Variants in GON4L observed in about 807,000 individuals in gnomAD.
GON4L encodes GON-4-like protein.
GON4L carries 87 observed loss-of-function variants against 211.8 expected under a neutral mutation model. The observed-to-expected ratio is 0.41, with a 90% CI of 0.35 to 0.49. GON4L has a LOEUF of 0.49. Among genes scored for constraint, GON4L ranks in the 20% least tolerant of loss-of-function variants. GON4L has a pLI of 0.15. For missense variants in GON4L, 2,155 were observed against 2,659.5 expected (o/e 0.81, Z 4.17); for synonymous variants, 875 against 962.6 (o/e 0.91, Z 1.68).
chr1:155,783,312 C>A (rs960300859), intron 14 of GON4L, among the ~76,000 whole-genome samples: 2 of 152,258 alleles, frequency 1.3e-5, no homozygotes, highest in South Asian at 2.1e-4. Flanking sequence ...AGGTTCAAAC[C>A]CAGGACGAAT....
At chr1:155,834,301 T>C (rs1670092021) in intron 2 of GON4L, among the ~76,000 whole-genome samples, 1 of 152,192 alleles carries the variant, frequency 6.6e-6, no homozygotes, top group Non-Finnish European at 1.5e-5. Flanking sequence ...AAAGCTCTCC[T>C]TCCTCTTTTC....
At chr1:155,806,279 A>C (rs1667123499) in intron 10 of GON4L, among the ~76,000 whole-genome samples, 1 of 151,734 alleles carries the variant, frequency 6.6e-6, no homozygotes, top group Admixed American at 6.6e-5. Context: ...CAGCCTCCCA[A>C]ATAGTTGGGA....
chr1:155,774,105 A>G (rs1284105155), intron 17 of GON4L, among the ~76,000 whole-genome samples: 1 of 152,156 alleles, frequency 6.6e-6, no homozygotes, highest in Non-Finnish European at 1.5e-5. Context: ...TCAGAAGCAA[A>G]TATTTGGCTT....
intron 11 of GON4L, among the ~76,000 whole-genome samples, chr1:155,802,749 A>C (rs937832990): frequency 1.2e-4 from 19 of 152,230 alleles, no homozygotes; most frequent in Admixed American, 7.2e-4. Context: ...TGAGCGCAGG[A>C]GTTCGAGACC....
At chr1:155,820,255 AC>A (rs1224453672) in intron 6 of GON4L, among the ~76,000 whole-genome samples, 2 of 152,182 alleles carry the variant, frequency 1.3e-5, no homozygotes, top group Non-Finnish European at 2.9e-5. Context: ...GGGATCCCAC[AC>A]CAAAGTGATT....
chr1:155,765,317 G>A lies in GON4L; in HGVS notation c.4156C>T (p.Pro1386Ser). The A allele has an allele frequency of 6.2e-7, 1 of 1,614,154 alleles. No homozygotes were observed. The highest frequency in any genetic ancestry group is 8.5e-7 in the Non-Finnish European group (1 of 1,180,020). ...TGAGAAGATGAAGGGGTTTTAGTTG[G>A]CTGACTCCTCTCCTCTTCCTTCTGT... is the stretch of plus-strand genomic sequence containing the variant. ...VLQKEEERSQ[P>S]TKTPSSSQEP... The change falls in exon 21 of 32, where the codon CCA becomes TCA. Residue 1386 changes from proline (P) to serine (S), a missense_variant. Physicochemically the swap from Pro to Ser is moderately conservative, Grantham distance 74. Transcript: ENST00000368331.
chr1:155,766,612 C>T lies in GON4L; in HGVS notation c.2861G>A (p.Arg954Gln), dbSNP rs1476453021. The T allele has an allele frequency of 1.3e-5, 21 of 1,614,034 alleles. No individual in the cohort carries two copies. The highest frequency in any genetic ancestry group is 1.0e-4 in the Admixed American group (6 of 59,994). ...MTGTTEINSD[R>Q]SLEKDNLELG... is the part of the protein sequence containing the mutation. ...CTCCAAATTGTCTTTTTCTAGGCTT[C>T]GATCTGAGTTGATCTCAGTGGTTCC... Residue 954 changes from arginine to glutamine, a missense_variant, in exon 21 of 32, where the codon CGA becomes CAA. Transcript: ENST00000368331.
chr1:155,852,614 G>T (rs1031127417), intron 2 of GON4L, among the ~76,000 whole-genome samples: 5 of 152,012 alleles, frequency 3.3e-5, no homozygotes, highest in Admixed American at 3.3e-4. Context: ...ATGGTGGTGG[G>T]TGCCTGTAGT....
rs1220007426 is a variant in GON4L at position 155,749,947 on chromosome 1, G to A, written c.*637C>T. 5.4e-5 allele frequency: 77 copies of A among 1,414,028 alleles called. No individual in the cohort carries two copies. The highest frequency in any genetic ancestry group is 6.8e-5 in the Non-Finnish European group (72 of 1,057,394). 87.6% of individuals were successfully genotyped at this position (1,414,028 alleles called of 1,614,324 possible). ...GCAGTGGAGAGCATCCCAGTGTTTGGGGCACTGTGTTCCTCTTCGTCCCTG... is the reference window on the plus strand; with the variant it reads ...GCAGTGGAGAGCATCCCAGTGTTTGAGGCACTGTGTTCCTCTTCGTCCCTG... On this transcript the variant is annotated 3_prime_UTR_variant, in exon 32 of 32. Coordinates refer to ENST00000368331, the MANE Select transcript of GON4L (RefSeq NM_001282860.2).
At chr1:155,855,111 T>C (rs143663983) in intron 1 of GON4L, among the ~76,000 whole-genome samples, 5 of 152,200 alleles carry the variant, frequency 3.3e-5, no homozygotes, top group Non-Finnish European at 5.9e-5. Context: ...AGTCCTACTA[T>C]CCTCTGCGCT....
chr1:155,766,131 A>T lies in GON4L; in HGVS notation c.3342T>A (p.Tyr1114Ter). The change falls in exon 21 of 32, where the codon TAT becomes TAA. Residue 1114 changes from tyrosine to a stop codon, truncating the protein, a stop_gained. Coordinates refer to ENST00000368331, the MANE Select transcript of GON4L (RefSeq NM_001282860.2). LOFTEE classifies it high-confidence loss of function. ...TTCTCTTTGAGGGTCTCCGTCTCAC[A>T]TATGGCTTTCGAAACTTAGAAGGGG... ...SLAPSKFRKP[Y>*]VRRRPSKRRG... 1.2e-6 allele frequency: 2 copies of T among 1,614,150 alleles called. No homozygotes were observed. Among genetic ancestry groups the T allele is most frequent in the Non-Finnish European group, 1.7e-6 (2 of 1,180,024 alleles).
intron 2 of GON4L, chr1:155,845,458 G>C (rs544289952): frequency 2.0e-5 from 7 of 347,474 alleles, no homozygotes; most frequent in Non-Finnish European, 4.0e-5. Context: ...GAATCAGCAA[G>C]GTTGGAAACC....
intron 2 of GON4L, among the ~76,000 whole-genome samples, chr1:155,827,241 T>C (rs1365660662): frequency 6.6e-6 from 1 of 152,236 alleles, no homozygotes; most frequent in Non-Finnish European, 1.5e-5. Flanking sequence ...TGAGGTCTTT[T>C]TATTTCTAAT....
chr1:155,764,771 T>A lies in GON4L; in HGVS notation c.4473+229A>T. 3.3e-6 allele frequency: 4 copies of A among 1,225,172 alleles called. No individual in the cohort carries two copies. In the South Asian group the frequency reaches 5.2e-5, roughly 16 times the overall value. The allele number at this position is 1,225,172 out of a possible 1,614,324, so 75.9% of individuals were successfully genotyped here. A position where few individuals can be genotyped will look rare whatever the true frequency, so the allele number is the denominator to read the frequency against. ...ATTTTTTAAGGCATTTAAAGTATGG[T>A]CAGGTGATTCAATTTAATGTGTAAA... On this transcript the variant is annotated intron_variant, in intron 21 of 31. Transcript: ENST00000368331.
intron 24 of GON4L, among the ~76,000 whole-genome samples, chr1:155,758,920 C>A (rs1557825917): frequency 6.6e-6 from 1 of 152,102 alleles, no homozygotes; most frequent in Non-Finnish European, 1.5e-5. Flanking sequence ...AAACTCCTGG[C>A]TACAAGGGAT....
chr1:155,774,329 G>A (rs1188949919), intron 17 of GON4L, among the ~76,000 whole-genome samples: 2 of 129,412 alleles, frequency 1.5e-5, no homozygotes, highest in East Asian at 4.5e-4. Flanking sequence ...TTTTTTTTGA[G>A]ACTGAGTCTC....
At chr1:155,754,205 C>G (rs772810787) in intron 28 of GON4L, 170 bp downstream of exon 28, 2 of 669,708 alleles carry the variant, frequency 3.0e-6, no homozygotes, top group Non-Finnish European at 5.5e-6. Flanking sequence ...AAAACAAAAT[C>G]TATCACGTAT....
chr1:155,755,701 C>A (rs940972748), intron 27 of GON4L, among the ~76,000 whole-genome samples: 3 of 152,086 alleles, frequency 2.0e-5, no homozygotes, highest in African/African-American at 7.2e-5. Context: ...TGGAGAGCTC[C>A]ATCATGAGAT....
chr1:155,760,866 C>G (rs563900963), intron 23 of GON4L, among the ~76,000 whole-genome samples: 2 of 152,202 alleles, frequency 1.3e-5, no homozygotes, highest in South Asian at 4.1e-4. Flanking sequence ...TCATCTTCCA[C>G]GTTCCACAGT....
Sources: allele counts gnomAD v4.1 joint callset (sites outside exome capture counted in the v4.1 genomes callset), GRCh38; gene constraint gnomAD v4.1.1; transcripts MANE v1.5; gene names NCBI Gene and HGNC (gene_info 2026-07-23, HGNC 2026-07-21).